Variants in ZPBP observed in about 807,000 individuals in gnomAD.
The protein encoded by ZPBP is zona pellucida-binding protein 1.
Under a neutral mutation model 44.8 loss-of-function variants are expected in ZPBP, and 26 were observed. The observed-to-expected ratio is 0.58, with a 90% CI of 0.43 to 0.81. ZPBP has a LOEUF of 0.81. Ranked by LOEUF, ZPBP falls within the 30% of genes least tolerant of loss-of-function variation. ZPBP has a pLI of 0.00. For synonymous variants in ZPBP, 174 were observed against 153.2 expected (o/e 1.14, Z -1.00); for missense variants, 409 against 434.0 (o/e 0.94, Z 0.51).
At chr7:49,887,589 T>C (rs754713368) in intron 2 of ZPBP, among the ~76,000 whole-genome samples, 2 of 152,180 alleles carry the variant, frequency 1.3e-5, no homozygotes, top group South Asian at 4.1e-4. Context: ...GATAATCAGA[T>C]GTCAATGGCA....
intron 2 of ZPBP, among the ~76,000 whole-genome samples, chr7:49,856,707 T>A (rs1790430448): frequency 6.6e-6 from 1 of 152,174 alleles, no homozygotes; most frequent in Admixed American, 6.5e-5. Context: ...TCTGATGTCC[T>A]TTTGGTTTTG....
intron 7 of ZPBP, among the ~76,000 whole-genome samples, chr7:49,979,800 C>T (rs1343610759): frequency 7.7e-6 from 1 of 130,594 alleles, no homozygotes; most frequent in Non-Finnish European, 1.6e-5. Flanking sequence ...TTTTCTTTAT[C>T]CTTATCTGTG....
intron 7 of ZPBP, among the ~76,000 whole-genome samples, chr7:49,980,012 TTATAA>T (rs1322527546): frequency 2.4e-5 from 2 of 84,384 alleles, no homozygotes; most frequent in African/African-American, 4.9e-5. Flanking sequence ...ATTATATATA[TTATAA>T]TATAATTTTA....
chr7:49,842,399 T>G, the ZPBP span, among the ~76,000 whole-genome samples: 5 of 152,304 alleles, frequency 3.3e-5, no homozygotes, highest in South Asian at 1.0e-3. Context: ...TTATTTTTAA[T>G]TGGATGCCTT....
intron 2 of ZPBP, among the ~76,000 whole-genome samples, chr7:49,893,400 G>A (rs1054917168): frequency 4.6e-5 from 7 of 152,124 alleles, no homozygotes; most frequent in African/African-American, 1.7e-4. Context: ...GCTGGCAGGC[G>A]TTTTCTTTTG....
intron 2 of ZPBP, among the ~76,000 whole-genome samples, chr7:49,874,119 C>A (rs944796493): frequency 2.0e-5 from 3 of 152,020 alleles, no homozygotes; most frequent in African/African-American, 4.8e-5. Context: ...GCAAAGGATG[C>A]CCTTGCTCTA....
At chr7:50,040,374 G>A (rs976042985) in intron 4 of ZPBP, among the ~76,000 whole-genome samples, 8 of 152,180 alleles carry the variant, frequency 5.3e-5, no homozygotes, top group Admixed American at 1.3e-4. Flanking sequence ...AGTGGCTGGC[G>A]AGATGGCTGA....
At chr7:49,887,557 A>C (rs1791954432) in intron 2 of ZPBP, among the ~76,000 whole-genome samples, 1 of 148,250 alleles carries the variant, frequency 6.7e-6, no homozygotes, top group African/African-American at 2.7e-5. Context: ...CTTTCAGAGT[A>C]TCATTTCATT....
chr7:49,983,421 G>T lies in ZPBP; in HGVS notation c.882C>A (p.Leu294=). ...LPQIYYIEGT[L]QMVWINRCFP... is the part of the protein sequence containing the mutation. Reference sequence around the variant, plus strand: ...AGCAGCGATTAATCCAAACCATTTGGAGAGTACCTTCAATATAGTATATTT... The same window carrying T: ...AGCAGCGATTAATCCAAACCATTTGTAGAGTACCTTCAATATAGTATATTT... The change falls in exon 7 of 8, where the codon CTC becomes CTA. Residue 294 remains leucine, a synonymous_variant. Transcript: ENST00000046087. 2 of 1,613,076 alleles carry T rather than the reference G, an allele frequency of 1.2e-6. No homozygotes were observed. Among genetic ancestry groups the T allele is most frequent in the African/African-American group, 1.3e-5 (1 of 74,956 alleles).
At chr7:50,011,517 C>A (rs982201102) in intron 6 of ZPBP, among the ~76,000 whole-genome samples, 1 of 152,122 alleles carries the variant, frequency 6.6e-6, no homozygotes, top group African/African-American at 2.4e-5. Flanking sequence ...CTGAACAACA[C>A]CACCATCCAC....
At chr7:49,898,135 ATG>A (rs1189734778) in intron 2 of ZPBP, among the ~76,000 whole-genome samples, 7 of 151,392 alleles carry the variant, frequency 4.6e-5, no homozygotes, top group African/African-American at 9.7e-5. Flanking sequence ...GTGTGTATGT[ATG>A]TGTGTGTGTA....
At chr7:49,883,144 G>A (rs891510030) in intron 2 of ZPBP, among the ~76,000 whole-genome samples, 1 of 152,070 alleles carries the variant, frequency 6.6e-6, no homozygotes, top group Admixed American at 6.6e-5. Context: ...GGAGGAAGGC[G>A]CAGGGAGCTG....
intron 6 of ZPBP, among the ~76,000 whole-genome samples, chr7:49,997,946 C>A (rs905731164): frequency 6.6e-6 from 1 of 152,046 alleles, no homozygotes; most frequent in Admixed American, 6.5e-5. Context: ...GAGACAGAGT[C>A]TCACTCTCCC....
chr7:49,953,647 C>G (rs1583905967), intron 7 of ZPBP, among the ~76,000 whole-genome samples: 2 of 151,908 alleles, frequency 1.3e-5, no homozygotes, highest in Non-Finnish European at 2.9e-5. Flanking sequence ...TATCCAGCAC[C>G]AAATAAGGCA....
chr7:50,040,345 A>G (rs1427051113), intron 4 of ZPBP, among the ~76,000 whole-genome samples: 1 of 152,240 alleles, frequency 6.6e-6, no homozygotes, highest in Non-Finnish European at 1.5e-5. Context: ...GACACAATTA[A>G]CAAACAAAAC....
At chr7:50,081,706 C>T (rs1802362889) in intron 3 of ZPBP, 68 bp downstream of exon 3, 2 of 1,562,598 alleles carry the variant, frequency 1.3e-6, no homozygotes, top group Non-Finnish European at 8.8e-7. Flanking sequence ...GAGATACAAA[C>T]ATTCTTTTTG....
chr7:50,080,604 C>A (rs2128851334), intron 3 of ZPBP, among the ~76,000 whole-genome samples: 1 of 151,820 alleles, frequency 6.6e-6, no homozygotes, highest in Middle Eastern at 3.4e-3. Context: ...TTCTATATTT[C>A]AACTTGCAGA....
chr7:49,977,923 C>T (rs1583957953), intron 7 of ZPBP, among the ~76,000 whole-genome samples: 1 of 152,000 alleles, frequency 6.6e-6, no homozygotes, highest in Non-Finnish European at 1.5e-5. Context: ...GATTCCTAAA[C>T]GTTGGATATG....
At chr7:49,861,514 A>G (rs541072581) in intron 2 of ZPBP, among the ~76,000 whole-genome samples, 36 of 152,102 alleles carry the variant, frequency 2.4e-4, no homozygotes, top group Non-Finnish European at 4.1e-4. Flanking sequence ...CAGTTCATCT[A>G]TTTTTTTCTT....
Sources: gnomAD v4.1 joint callset for allele counts (sites outside exome capture counted in the v4.1 genomes callset) on GRCh38, gnomAD v4.1.1 for gene constraint, MANE v1.5 for transcripts, NCBI Gene and HGNC (gene_info 2026-07-23, HGNC 2026-07-21) for gene names.